Variants in OR3A2 observed in about 807,000 individuals in gnomAD.
OR3A2 encodes olfactory receptor family 3 subfamily A member 2, also known as olfactory receptor 3A2.
For missense variants in OR3A2, 318 were observed against 392.8 expected, an observed-to-expected ratio of 0.81 and a Z score of 1.61; for synonymous variants, 126 against 159.3, an observed-to-expected ratio of 0.79 and a Z score of 1.57.
At chr17:3,368,291 G>A (rs1219533721) in intron 2 of OR3A2, among the ~76,000 whole-genome samples, 3 of 151,984 alleles carry the variant, frequency 2.0e-5, no homozygotes, top group Non-Finnish European at 4.4e-5. Flanking sequence ...TTGGGTTCTT[G>A]ATCATAAATT....
At chr17:3,276,153 C>CA (rs1172168096), downstream of OR3A2, among the ~76,000 whole-genome samples, 1 of 146,726 alleles carries the variant, frequency 6.8e-6, no homozygotes, top group African/African-American at 2.5e-5. Context: ...ATTGTTGTTG[C>CA]AAAACAATTG....
intron 3 of OR3A2, among the ~76,000 whole-genome samples, chr17:3,315,754 G>C (rs1363618457): frequency 2.0e-5 from 2 of 100,768 alleles, no homozygotes; most frequent in Admixed American, 1.1e-4. Flanking sequence ...GAAAATATGG[G>C]GGGGGGGGCG....
intron 3 of OR3A2, among the ~76,000 whole-genome samples, chr17:3,322,537 C>T (rs1464740928): frequency 6.6e-6 from 1 of 152,172 alleles, no homozygotes; most frequent in Non-Finnish European, 1.5e-5. Context: ...TTACACACTG[C>T]TTTGAATGTG....
At chr17:3,318,583 C>T (rs61574187) in intron 3 of OR3A2, among the ~76,000 whole-genome samples, 1 of 152,344 alleles carries the variant, frequency 6.6e-6, no homozygotes, top group African/African-American at 2.4e-5. Flanking sequence ...CTACCCAGCA[C>T]AGCCTGCTTA....
At chr17:3,339,631 A>T (rs997084651) in intron 2 of OR3A2, among the ~76,000 whole-genome samples, 1 of 152,070 alleles carries the variant, frequency 6.6e-6, no homozygotes, top group Non-Finnish European at 1.5e-5. Flanking sequence ...AGCCAACTTG[A>T]TCTTGGTGGA....
rs568688779 is a variant in OR3A2, at chr17:3,277,862, A to T, written c.*108T>A. ...AAATATGTAACACCGATCTTCAAGC[A>T]TCAGGAGATAGGAAAAATAGTTGTG... On this transcript the variant is annotated 3_prime_UTR_variant, in exon 2 of 2. Coordinates refer to ENST00000642052, the Ensembl canonical transcript of OR3A2. 4.1e-5 allele frequency: 48 copies of T among 1,184,964 alleles called. No homozygotes were observed. In the African/African-American group the frequency reaches 6.4e-4, roughly 16 times the overall value. 73.4% of individuals were successfully genotyped at this position (1,184,964 alleles called of 1,614,324 possible).
At chr17:3,352,657 A>C (rs955973315) in intron 2 of OR3A2, among the ~76,000 whole-genome samples, 3 of 151,982 alleles carry the variant, frequency 2.0e-5, no homozygotes, top group Admixed American at 6.6e-5. Context: ...ATAGCTCTGT[A>C]GTATAATTTG....
intron 3 of OR3A2, among the ~76,000 whole-genome samples, chr17:3,301,656 G>C (rs1373891037): frequency 1.3e-5 from 2 of 152,192 alleles, no homozygotes; most frequent in Admixed American, 1.3e-4. Context: ...TGTTCACTCT[G>C]ATGGTAGTTT....
intron 3 of OR3A2, among the ~76,000 whole-genome samples, chr17:3,321,780 G>T (rs1330351679): frequency 2.0e-5 from 3 of 152,110 alleles, no homozygotes; most frequent in Non-Finnish European, 2.9e-5. Flanking sequence ...GATTTGGTTT[G>T]CCAGTATTTT....
intron 2 of OR3A2, among the ~76,000 whole-genome samples, chr17:3,339,768 A>G (rs1353417675): frequency 6.6e-6 from 1 of 152,200 alleles, no homozygotes; most frequent in African/African-American, 2.4e-5. Flanking sequence ...CTTTGGAATC[A>G]GGATGATGCT....
chr17:3,294,179 T>TAA (rs370174016), intron 3 of OR3A2, among the ~76,000 whole-genome samples: 20 of 137,886 alleles, frequency 1.5e-4, no homozygotes, highest in African/African-American at 4.2e-4. Flanking sequence ...AAAAATAAAA[T>TAA]AAAAAAAAAA....
chr17:3,340,466 T>G (rs894816100), intron 2 of OR3A2, among the ~76,000 whole-genome samples: 2 of 152,262 alleles, frequency 1.3e-5, no homozygotes, highest in Admixed American at 1.3e-4. Context: ...TGGTACGTTG[T>G]GTCTTTGTTC....
Position 3,289,978 on chromosome 17 carries a change from T to A in OR3A2, c.-84-10825A>T, listed in dbSNP as rs1156643408. Among the ~76,000 whole-genome samples, 3 of 152,252 alleles carry A rather than the reference T, an allele frequency of 2.0e-5. No homozygotes were observed. The East Asian group carries it at 5.8e-4, about 29-fold the overall frequency. On this transcript the variant is annotated intron_variant, in intron 3 of 4. Transcript: ENST00000573491. ...CAGTTCGTCACAAATTTTGATGACA[T>A]TTTAGATACGTAGCTGGAGAAAATA...
At chr17:3,280,632 G>A (rs1314921602) in intron 1 of OR3A2, among the ~76,000 whole-genome samples, 1 of 152,144 alleles carries the variant, frequency 6.6e-6, no homozygotes, top group African/African-American at 2.4e-5. Flanking sequence ...TATTGCCCAT[G>A]GAATAAGCCA....
At chr17:3,309,875 T>G in intron 3 of OR3A2, 1 of 171,476 alleles carries the variant, frequency 5.8e-6, no homozygotes, top group Non-Finnish European at 1.2e-5. Flanking sequence ...GGGACACAGG[T>G]TGTGGGGAGC....
chr17:3,312,076 G>A (rs2049049022), intron 3 of OR3A2: 2 of 152,644 alleles, frequency 1.3e-5, no homozygotes, highest in Middle Eastern at 6.3e-3. Flanking sequence ...TCAGGGTAGA[G>A]TGTGGTCTGC....
intron 3 of OR3A2, among the ~76,000 whole-genome samples, chr17:3,330,770 G>T (rs2049225081): frequency 6.6e-6 from 1 of 151,326 alleles, no homozygotes. Context: ...GTTAGCTGGT[G>T]ATTTTGCTTG....
At chr17:3,306,389 C>A (rs1293994490) in intron 3 of OR3A2, among the ~76,000 whole-genome samples, 2 of 152,048 alleles carry the variant, frequency 1.3e-5, no homozygotes, top group Non-Finnish European at 1.5e-5. Context: ...GCAATCCCCC[C>A]ACTCCAGCCT....
At chr17:3,309,030 C>G (rs1468755515) in intron 3 of OR3A2, among the ~76,000 whole-genome samples, 1 of 152,078 alleles carries the variant, frequency 6.6e-6, no homozygotes, top group South Asian at 2.1e-4. Context: ...CCCAGCCTCC[C>G]GAGTAGCTGG....
Sources: allele counts gnomAD v4.1 joint callset (sites outside exome capture counted in the v4.1 genomes callset), GRCh38; gene constraint gnomAD v4.1.1; transcripts MANE v1.5; gene names NCBI Gene and HGNC (gene_info 2026-07-23, HGNC 2026-07-21).